GATAD1: variants seen among roughly 807,000 people sequenced by gnomAD.
GATAD1 encodes the protein GATA zinc finger domain-containing protein 1.
In GATAD1, 12 loss-of-function variants were observed where a neutral mutation model predicts 26.5. The observed-to-expected ratio is 0.45, with a 90% CI of 0.29 to 0.73. GATAD1 has a LOEUF of 0.73. GATAD1 is among the 30% of genes least tolerant of loss of function. The pLI, the probability that GATAD1 is intolerant of heterozygous loss-of-function variation, is 0.10. For missense variants in GATAD1, 266 were observed against 342.1 expected, an observed-to-expected ratio of 0.78 and a Z score of 1.75; for synonymous variants, 129 against 133.1, an observed-to-expected ratio of 0.97 and a Z score of 0.21.
the GATAD1 span, among the ~76,000 whole-genome samples, chr7:92,481,025 G>T: frequency 2.0e-5 from 3 of 152,144 alleles, no homozygotes; most frequent in Non-Finnish European, 4.4e-5. Context: ...CCGAGTTAAG[G>T]CAATCAGTTC....
At chr7:92,455,256 A>G (rs934629942) in intron 4 of GATAD1, among the ~76,000 whole-genome samples, 1 of 152,224 alleles carries the variant, frequency 6.6e-6, no homozygotes, top group Admixed American at 6.5e-5. Context: ...AGCAATGTGC[A>G]TCTACTAAGA....
chr7:92,494,410 GA>G, the GATAD1 span: 1 of 1,611,968 alleles, frequency 6.2e-7, no homozygotes, highest in Non-Finnish European at 8.5e-7. Flanking sequence ...GAGGAAAAAA[GA>G]ACATTTTTTT....
chr7:92,482,708 G>A, the GATAD1 span, among the ~76,000 whole-genome samples: 1 of 152,150 alleles, frequency 6.6e-6, no homozygotes, highest in Non-Finnish European at 1.5e-5. Context: ...AGATGTGGCT[G>A]TAGCCCAGGA....
chr7:92,485,277 C>A, the GATAD1 span, among the ~76,000 whole-genome samples: 6 of 152,070 alleles, frequency 3.9e-5, no homozygotes, highest in Non-Finnish European at 8.8e-5. Flanking sequence ...GCCTGACAGT[C>A]GTTTTATCTA....
chr7:92,488,466 C>CTAGA, the GATAD1 span, among the ~76,000 whole-genome samples: 1 of 152,102 alleles, frequency 6.6e-6, no homozygotes, highest in South Asian at 2.1e-4. Context: ...AATCATTGAC[C>CTAGA]TAGAATGGTT....
the GATAD1 span, chr7:92,494,012 A>G: frequency 2.7e-6 from 1 of 367,522 alleles, no homozygotes; most frequent in East Asian, 6.2e-5. Flanking sequence ...ATCTTTGAAC[A>G]GAAGATAATG....
the GATAD1 span, among the ~76,000 whole-genome samples, chr7:92,479,442 A>G: frequency 6.6e-6 from 1 of 152,154 alleles, no homozygotes; most frequent in Non-Finnish European, 1.5e-5. Flanking sequence ...GTGGGGCAGG[A>G]ACAAATCACA....
At chr7:92,470,194 G>A in the GATAD1 span, 1 of 778,676 alleles carries the variant, frequency 1.3e-6, no homozygotes, top group Non-Finnish European at 2.4e-6. Context: ...GGTGTGGGCA[G>A]TGAAGGTGGG....
the GATAD1 span, chr7:92,491,249 A>G: frequency 2.2e-5 from 31 of 1,436,282 alleles, no homozygotes; most frequent in South Asian, 3.3e-4. Context: ...TCAGAACTGT[A>G]TAATGATGAC....
chr7:92,481,148 C>T, the GATAD1 span, among the ~76,000 whole-genome samples: 1 of 152,088 alleles, frequency 6.6e-6, no homozygotes, highest in South Asian at 2.1e-4. Context: ...CCTGGTGGAA[C>T]TGCCGTCAGT....
chr7:92,451,554 T>G (rs919041404), intron 3 of GATAD1, among the ~76,000 whole-genome samples: 11 of 152,168 alleles, frequency 7.2e-5, no homozygotes, highest in African/African-American at 2.7e-4. Flanking sequence ...TGCCCTTAAG[T>G]ATACTTTTTT....
At chr7:92,489,049 T>A in the GATAD1 span, among the ~76,000 whole-genome samples, 88 of 152,334 alleles carry the variant, frequency 5.8e-4, 1 homozygote, top group Non-Finnish European at 1.9e-4. Flanking sequence ...TTACTAAAAT[T>A]AAATGAGTCC....
downstream of GATAD1, among the ~76,000 whole-genome samples, chr7:92,460,283 T>A (rs1418586542): frequency 1.3e-5 from 2 of 152,138 alleles, no homozygotes; most frequent in Admixed American, 1.3e-4. Context: ...GGAGAGGCAT[T>A]TTTGTGGATT....
the GATAD1 span, among the ~76,000 whole-genome samples, chr7:92,490,631 T>C: frequency 2.7e-5 from 1 of 36,862 alleles, no homozygotes; most frequent in East Asian, 7.3e-4. Flanking sequence ...TGAGACTGTC[T>C]CAAAAAAAAA....
At chr7:92,477,317 T>C in the GATAD1 span, 1 of 152,298 alleles carries the variant, frequency 6.6e-6, no homozygotes, top group Non-Finnish European at 1.5e-5. Context: ...GTGCCCGGTA[T>C]TTTCCTCCAA....
At chr7:92,481,651 T>A in the GATAD1 span, among the ~76,000 whole-genome samples, 4 of 152,000 alleles carry the variant, frequency 2.6e-5, no homozygotes, top group African/African-American at 7.2e-5. Context: ...CAGGGAGAGC[T>A]AGTGTGGGAG....
downstream of GATAD1, among the ~76,000 whole-genome samples, chr7:92,462,375 A>C (rs917424312): frequency 3.9e-5 from 6 of 152,060 alleles, no homozygotes; most frequent in East Asian, 9.6e-4. Context: ...TTGTAAAAAA[A>C]AAAAACAAAA....
Position 92,447,825 on chromosome 7 carries a change from T to C in GATAD1, c.96T>C (p.His32=), listed in dbSNP as rs532003876. ...KGAQGEILCH[H]CTGRGGAGSG... is the part of the protein sequence containing the mutation. ...CGCAGGGGGAGATCCTCTGCCATCA[T>C]TGCACTGGCCGGGGCGGCGCGGGCA... Residue 32 remains histidine, a synonymous_variant, in exon 1 of 5, where the codon CAT becomes CAC. Transcript: ENST00000287957. 2.7e-6 allele frequency: 4 copies of C among 1,471,778 alleles called. No homozygotes were observed. The highest frequency in any genetic ancestry group is 3.6e-6 in the Non-Finnish European group (4 of 1,109,010). The allele number at this position is 1,471,778 out of a possible 1,614,324, so 91.2% of individuals were successfully genotyped here.
At chr7:92,449,032 CTG>C in intron 2 of GATAD1, 155 bp downstream of exon 2, 1 of 1,035,634 alleles carries the variant, frequency 9.7e-7, no homozygotes, top group Non-Finnish European at 1.4e-6. Context: ...GGAATGAGCT[CTG>C]TTGCAGGAGG....
Sources: gnomAD v4.1 joint callset for allele counts (sites outside exome capture counted in the v4.1 genomes callset) on GRCh38, gnomAD v4.1.1 for gene constraint, MANE v1.5 for transcripts, NCBI Gene and HGNC (gene_info 2026-07-23, HGNC 2026-07-21) for gene names.